Variants in ZNF423 observed in about 807,000 individuals in gnomAD.
ZNF423 encodes the protein zinc finger protein 423.
In ZNF423, 12 loss-of-function variants were observed where a neutral mutation model predicts 95.8. The ratio of observed to expected loss-of-function variants is 0.13; its 90% CI spans 0.08 to 0.20. ZNF423 has a LOEUF of 0.20. Among genes scored for constraint, ZNF423 ranks in the 10% least tolerant of loss-of-function variants. ZNF423 has a pLI of 1.00. For synonymous variants in ZNF423, 749 were observed against 711.9 expected (o/e 1.05, Z -0.83); for missense variants, 1,316 against 1,737.1 (o/e 0.76, Z 4.31).
At chr16:49,652,236 G>A (rs1468207276) in intron 3 of ZNF423, among the ~76,000 whole-genome samples, 1 of 151,020 alleles carries the variant, frequency 6.6e-6, no homozygotes, top group Non-Finnish European at 1.5e-5. Context: ...CTCTGACCTC[G>A]CAGAACACAC....
intron 7 of ZNF423, among the ~76,000 whole-genome samples, chr16:49,515,600 C>T (rs1968099104): frequency 6.6e-6 from 1 of 152,198 alleles, no homozygotes; most frequent in African/African-American, 2.4e-5. Flanking sequence ...ACAATCCATG[C>T]AAAGTGCTCA....
rs116302903 is a variant in ZNF423, at chr16:49,832,081, G to A, written c.40+23654C>T. ...CCTCTAAAGTGGAGGCTCCATAAAG[G>A]CACCAAATATCCGAGGGCCCTGGCC... On this transcript the variant is annotated intron_variant, in intron 1 of 7. Coordinates refer to ENST00000563137, the MANE Select transcript of ZNF423 (RefSeq NM_001379286.1). Among the ~76,000 whole-genome samples, 910 of 152,230 alleles carry A rather than the reference G, an allele frequency of 6.0e-3. 11 individuals carry two copies. The highest frequency in any genetic ancestry group is 0.021 in the African/African-American group (865 of 41,506).
rs1274234312 is a variant in ZNF423, at chr16:49,638,153, G to C, written c.1023C>G (p.Ser341=). 6.2e-7 allele frequency: 1 copy of C among 1,610,826 alleles called. No individual in the cohort carries two copies. Among genetic ancestry groups the C allele is most frequent in the South Asian group, 1.1e-5 (1 of 91,086 alleles). ...HKCPMCPEQF[S]SVEGVYCHLD... Reference sequence around the variant, plus strand: ...GGTGGCAGTAGACACCTTCCACTGAGGAGAACTGCTCAGGGCACATGGGGC... The same window carrying C: ...GGTGGCAGTAGACACCTTCCACTGACGAGAACTGCTCAGGGCACATGGGGC... The change falls in exon 4 of 8, where the codon TCC becomes TCG. Residue 341 remains serine, a synonymous_variant. Transcript: ENST00000563137. This position sits in a 1 kb window ranked among gnomAD's most constrained non-coding sequence, Gnocchi z 5.6.
chr16:49,514,553 C>G (rs1033328578), intron 7 of ZNF423, among the ~76,000 whole-genome samples: 21 of 152,208 alleles, frequency 1.4e-4, no homozygotes, highest in African/African-American at 4.8e-4. Flanking sequence ...AGAGCTCTCC[C>G]TCTGGCCGGG....
At chr16:49,519,488 T>C (rs960836860) in intron 7 of ZNF423, among the ~76,000 whole-genome samples, 1 of 152,214 alleles carries the variant, frequency 6.6e-6, no homozygotes, top group African/African-American at 2.4e-5. Flanking sequence ...GCTATGGTTT[T>C]CACTTGCCCT....
rs193076050 is a variant in ZNF423 at position 49,658,118 on chromosome 16, T to C, written c.302-19244A>G. On this transcript the variant is annotated intron_variant, in intron 3 of 7. Coordinates refer to ENST00000563137, the MANE Select transcript of ZNF423 (RefSeq NM_001379286.1). ...AAGATGTAATTGGGTTAAACATGCA[T>C]GAACCACCAGAAACTGGGCTGGGCA... 2.0e-4 allele frequency among the ~76,000 whole-genome samples: 30 copies of C among 152,372 alleles called. No homozygotes were observed. In the East Asian group the frequency reaches 2.9e-3, roughly 15 times the overall value.
chr16:49,686,826 G>A (rs915201390), intron 3 of ZNF423, among the ~76,000 whole-genome samples: 7 of 50,836 alleles, frequency 1.4e-4, no homozygotes, highest in Non-Finnish European at 3.9e-4. Flanking sequence ...CACCAGCCCC[G>A]CCAGCCTGTA....
chr16:49,594,047 G>A (rs941172687), intron 5 of ZNF423, among the ~76,000 whole-genome samples: 1 of 152,106 alleles, frequency 6.6e-6, no homozygotes, highest in Non-Finnish European at 1.5e-5. Context: ...TCAAAAACTA[G>A]CAGTGCAAAG....
chr16:49,647,315 G>A (rs1210276039), intron 3 of ZNF423, among the ~76,000 whole-genome samples: 5 of 152,214 alleles, frequency 3.3e-5, no homozygotes, highest in Non-Finnish European at 2.9e-5. Context: ...CTGGATGGCA[G>A]GTAAAGTAGC....
At chr16:49,801,748 C>T (rs1175358256) in intron 1 of ZNF423, among the ~76,000 whole-genome samples, 2 of 152,132 alleles carry the variant, frequency 1.3e-5, no homozygotes, top group Non-Finnish European at 2.9e-5. Context: ...GTTTGAGAAC[C>T]TATGAGTAAG....
At chr16:49,618,054 T>C (rs960408219) in intron 5 of ZNF423, among the ~76,000 whole-genome samples, 1 of 152,206 alleles carries the variant, frequency 6.6e-6, no homozygotes, top group Non-Finnish European at 1.5e-5. Flanking sequence ...TCCATGGGTA[T>C]CTTGTGCAAG....
chr16:49,629,380 T>C (rs922471700), intron 4 of ZNF423, among the ~76,000 whole-genome samples: 1 of 152,236 alleles, frequency 6.6e-6, no homozygotes, highest in Admixed American at 6.5e-5. Context: ...ATCTTTTGAA[T>C]TAATTTCTAT....
intron 3 of ZNF423, among the ~76,000 whole-genome samples, chr16:49,722,368 G>T (rs1435045271): frequency 6.6e-6 from 1 of 152,280 alleles, no homozygotes; most frequent in East Asian, 1.9e-4. Context: ...CCCCTCTTAA[G>T]GACACTAGAG....
intron 2 of ZNF423, among the ~76,000 whole-genome samples, chr16:49,769,519 C>A (rs188109511): frequency 6.6e-6 from 1 of 152,210 alleles, no homozygotes; most frequent in African/African-American, 2.4e-5. Flanking sequence ...CTTCCCCACA[C>A]ACAACTAGAG....
intron 3 of ZNF423, among the ~76,000 whole-genome samples, chr16:49,700,960 A>T (rs973193241): frequency 6.6e-6 from 1 of 152,068 alleles, no homozygotes; most frequent in East Asian, 1.9e-4. Flanking sequence ...AGAAGGGAGG[A>T]GGGTCTTATC....
chr16:49,491,142 C>T lies in ZNF423; in HGVS notation c.*133G>A, dbSNP rs1196335239. 1.2e-5 allele frequency: 12 copies of T among 1,021,580 alleles called. No individual in the cohort carries two copies. The highest frequency in any genetic ancestry group is 1.7e-5 in the Non-Finnish European group (11 of 648,296). The allele number at this position is 1,021,580 out of a possible 1,614,324, so 63.3% of individuals were successfully genotyped here. ...TTTCCAGCTGCTTATAATAGCAGCGCCTCATGGCCAAATCATTAGAGTTTT... is the reference window on the plus strand; with the variant it reads ...TTTCCAGCTGCTTATAATAGCAGCGTCTCATGGCCAAATCATTAGAGTTTT... On this transcript the variant is annotated 3_prime_UTR_variant, in exon 8 of 8. Coordinates refer to ENST00000563137, the MANE Select transcript of ZNF423 (RefSeq NM_001379286.1).
intron 2 of ZNF423, among the ~76,000 whole-genome samples, chr16:49,787,955 G>A (rs1055661768): frequency 5.3e-5 from 8 of 152,184 alleles, no homozygotes; most frequent in Non-Finnish European, 8.8e-5. Flanking sequence ...TCTGAGACAC[G>A]GCGCCTTATG....
In ZNF423 at chr16:49,515,434, T is replaced by C. The variant is rs576975854; in HGVS notation, c.3849+8190A>G. 1.5e-3 allele frequency among the ~76,000 whole-genome samples: 234 copies of C among 152,392 alleles called. 1 individual carries two copies. Among genetic ancestry groups the C allele is most frequent in the Middle Eastern group, 6.8e-3 (2 of 294 alleles). The stretch of plus-strand genomic sequence containing the variant: ...TATAAATGGCAATTTATTTAAACTT[T>C]GGAGGGTTTCTGTTTGCCTTGGTGG... On this transcript the variant is annotated intron_variant, in intron 7 of 7. Coordinates refer to ENST00000563137, the MANE Select transcript of ZNF423 (RefSeq NM_001379286.1).
chr16:49,534,581 C>A (rs1464665562), intron 5 of ZNF423, among the ~76,000 whole-genome samples: 1 of 152,178 alleles, frequency 6.6e-6, no homozygotes, highest in East Asian at 1.9e-4. Context: ...CATGACTCTA[C>A]CTGAAACTCC....
Sources: gnomAD v4.1 joint callset for allele counts (sites outside exome capture counted in the v4.1 genomes callset) on GRCh38, gnomAD v4.1.1 for gene constraint, Gnocchi (gnomAD v3.1) non-coding constraint, MANE v1.5 for transcripts, NCBI Gene and HGNC (gene_info 2026-07-23, HGNC 2026-07-21) for gene names.